The following STARD6 variants were observed in gnomAD, a reference collection of about 807,000 sequenced individuals.
STARD6 encodes StAR related lipid transfer domain containing 6.
A neutral mutation model predicts 22.3 loss-of-function variants in STARD6; 21 were observed. That is an observed-to-expected ratio of 0.94 (90% CI 0.67 to 1.35). The LOEUF (loss-of-function observed/expected upper bound fraction) is 1.35, where lower values mean the gene tolerates loss of function less well. Ranked by LOEUF, STARD6 falls within the 40% of genes most tolerant of loss-of-function variation. STARD6 has a pLI of 0.00. For synonymous variants in STARD6, 80 were observed against 88.1 expected (o/e 0.91, Z 0.52); for missense variants, 269 against 266.9 (o/e 1.01, Z -0.05).
At chr18:54,352,678 G>A (rs2089108769) in intron 4 of STARD6, among the ~76,000 whole-genome samples, 2 of 152,172 alleles carry the variant, frequency 1.3e-5, no homozygotes, top group African/African-American at 4.8e-5. Flanking sequence ...CAAACTGTGA[G>A]TGCAAAAAGT....
rs906332062 is a variant in STARD6 at position 54,340,022 on chromosome 18, A to G, written c.141-2771T>C. Among the ~76,000 whole-genome samples the G allele has an allele frequency of 5.3e-5, 8 of 152,282 alleles. No homozygotes were observed. The South Asian group carries it at 6.2e-4, about 12-fold the overall frequency. On this transcript the variant is annotated intron_variant, in intron 4 of 7. Coordinates refer to ENST00000307844, the MANE Select transcript of STARD6 (RefSeq NM_139171.2). ...TAGTAACTCAAATCCACAGAAACCA[A>G]TGAAGAGAACCAGAAATGGTAAATA...
At chr18:54,333,161 A>G (rs2088878723) in intron 5 of STARD6, among the ~76,000 whole-genome samples, 1 of 152,050 alleles carries the variant, frequency 6.6e-6, no homozygotes, top group South Asian at 2.1e-4. Context: ...AACAATAGAA[A>G]TTTCTGGGCT....
At position 54,329,027 on chromosome 18, in the gene STARD6, G is replaced by C. The variant is rs1047644375; in HGVS notation, c.479+320C>G. The stretch of plus-strand genomic sequence containing the variant: ...GAAAGTTTATTTTTAATTCACAAAA[G>C]TTCCTTAATAATTTACAGAAATGAC... On this transcript the variant is annotated intron_variant, in intron 7 of 7. Coordinates refer to ENST00000307844, the MANE Select transcript of STARD6 (RefSeq NM_139171.2). 2.0e-5 allele frequency among the ~76,000 whole-genome samples: 3 copies of C among 152,032 alleles called. No homozygotes were observed. In the East Asian group the frequency reaches 5.8e-4, roughly 29 times the overall value.
chr18:54,327,492 C>T (rs946079223), intron 7 of STARD6, among the ~76,000 whole-genome samples: 2 of 152,162 alleles, frequency 1.3e-5, no homozygotes, highest in East Asian at 1.9e-4. Flanking sequence ...AAGTTTCTGA[C>T]TGTTAAAAGT....
At chr18:54,344,815 G>C (rs908087760) in intron 4 of STARD6, among the ~76,000 whole-genome samples, 1 of 152,110 alleles carries the variant, frequency 6.6e-6, no homozygotes, top group African/African-American at 2.4e-5. Flanking sequence ...CATTTCAATA[G>C]ATGTGGAAAA....
intron 4 of STARD6, among the ~76,000 whole-genome samples, chr18:54,347,398 G>A (rs1208659374): frequency 6.6e-6 from 1 of 151,914 alleles, no homozygotes; most frequent in Non-Finnish European, 1.5e-5. Flanking sequence ...CTATAAACCA[G>A]CTGATGTTAA....
intron 4 of STARD6, among the ~76,000 whole-genome samples, chr18:54,347,679 C>G (rs895053850): frequency 4.0e-5 from 6 of 151,798 alleles, no homozygotes; most frequent in African/African-American, 9.7e-5. Context: ...GATATTGAAC[C>G]AGGTTTATGA....
intron 5 of STARD6, among the ~76,000 whole-genome samples, chr18:54,332,547 C>G (rs1465549667): frequency 1.3e-5 from 2 of 152,212 alleles, no homozygotes; most frequent in East Asian, 3.8e-4. Context: ...AGGCTACCTC[C>G]CACAGCCCCT....
rs569750712 is a variant in STARD6, at chr18:54,348,708, C to T, written c.140+5346G>A. On this transcript the variant is annotated intron_variant, in intron 4 of 7. Coordinates refer to ENST00000307844, the MANE Select transcript of STARD6 (RefSeq NM_139171.2). Reference sequence around the variant, plus strand: ...GGACATTACTGTTCACTGCTTCTAACACTGAGAGAAATGTGTAGACCTATG... The same window carrying T: ...GGACATTACTGTTCACTGCTTCTAATACTGAGAGAAATGTGTAGACCTATG... Among the ~76,000 whole-genome samples, 56 of 152,240 alleles carry T rather than the reference C, an allele frequency of 3.7e-4. 1 individual carries two copies. The South Asian group carries it at 3.9e-3, about 11-fold the overall frequency.
At chr18:54,356,696 G>A (rs1369852916) in intron 1 of STARD6, among the ~76,000 whole-genome samples, 15 of 152,162 alleles carry the variant, frequency 9.9e-5, no homozygotes, top group Admixed American at 5.2e-4. Context: ...TAGGTGGAAC[G>A]TGGATACAAA....
At chr18:54,346,384 G>C (rs2089036059) in intron 4 of STARD6, among the ~76,000 whole-genome samples, 1 of 152,040 alleles carries the variant, frequency 6.6e-6, no homozygotes, top group Non-Finnish European at 1.5e-5. Context: ...AACTAGGATA[G>C]CTATAATCAA....
At chr18:54,336,580 C>T (rs190759634) in intron 5 of STARD6, among the ~76,000 whole-genome samples, 107 of 152,244 alleles carry the variant, frequency 7.0e-4, no homozygotes, top group Admixed American at 6.9e-3. Context: ...ATATGCCGTT[C>T]GTTCTTTAAG....
intron 4 of STARD6, among the ~76,000 whole-genome samples, chr18:54,337,465 A>C (rs538907691): frequency 6.6e-6 from 1 of 152,264 alleles, no homozygotes; most frequent in South Asian, 2.1e-4. Context: ...TTCAAAATTC[A>C]TTTTTCTATA....
intron 4 of STARD6, among the ~76,000 whole-genome samples, chr18:54,351,742 A>C (rs1419439651): frequency 6.6e-6 from 1 of 152,100 alleles, no homozygotes; most frequent in Non-Finnish European, 1.5e-5. Context: ...GTGATCTATC[A>C]CATTTATTGA....
Position 54,357,473 on chromosome 18 carries a change from A to G in STARD6, c.-89+319T>C, listed in dbSNP as rs1024988888. On this transcript the variant is annotated intron_variant, in intron 1 of 7. Coordinates refer to ENST00000307844, the MANE Select transcript of STARD6 (RefSeq NM_139171.2). Reference sequence around the variant, plus strand: ...GGAGTGAAAGAAGTGGTGAGGGGGGACTGCCTACTAGCTGAGACGATATCT... The same window carrying G: ...GGAGTGAAAGAAGTGGTGAGGGGGGGCTGCCTACTAGCTGAGACGATATCT... Among the ~76,000 whole-genome samples the G allele has an allele frequency of 9.2e-5, 14 of 151,974 alleles. 1 individual carries two copies. The South Asian group carries it at 2.9e-3, about 32-fold the overall frequency.
rs562506066 is a variant in STARD6, at chr18:54,333,841, A to G, written c.268-1982T>C. Reference sequence around the variant, plus strand: ...TTTACTTATTTTTGTTTGCTTTGATAAATGAAATGCAGGTTGGAGACTTAA... The same window carrying G: ...TTTACTTATTTTTGTTTGCTTTGATGAATGAAATGCAGGTTGGAGACTTAA... On this transcript the variant is annotated intron_variant, in intron 5 of 7. Transcript: ENST00000307844. Among the ~76,000 whole-genome samples the G allele has an allele frequency of 5.3e-5, 8 of 152,350 alleles. No homozygotes were observed. In the South Asian group the frequency reaches 1.7e-3, roughly 32 times the overall value.
intron 2 of STARD6, among the ~76,000 whole-genome samples, chr18:54,355,530 C>T (rs948111685): frequency 4.6e-5 from 7 of 152,072 alleles, no homozygotes; most frequent in African/African-American, 1.7e-4. Flanking sequence ...CTCAATGGCC[C>T]CTTCTTCCAT....
chr18:54,340,554 G>T (rs2088960583), intron 4 of STARD6, among the ~76,000 whole-genome samples: 2 of 152,012 alleles, frequency 1.3e-5, no homozygotes. Flanking sequence ...CAGGAAAAAT[G>T]ACAGACATAA....
chr18:54,338,751 TATC>T (rs1241825504), intron 4 of STARD6, among the ~76,000 whole-genome samples: 3 of 151,278 alleles, frequency 2.0e-5, no homozygotes, highest in Non-Finnish European at 4.4e-5. Context: ...ATGTTGGAAT[TATC>T]ATGTAAAAAA....
Sources: allele counts gnomAD v4.1 joint callset (sites outside exome capture counted in the v4.1 genomes callset), GRCh38; gene constraint gnomAD v4.1.1; transcripts MANE v1.5; gene names NCBI Gene and HGNC (gene_info 2026-07-23, HGNC 2026-07-21).